NRG3: variants seen among roughly 807,000 people sequenced by gnomAD.
NRG3 encodes the protein pro-neuregulin-3, membrane-bound isoform.
A neutral mutation model predicts 66.9 loss-of-function variants in NRG3; 31 were observed. The observed-to-expected ratio is 0.46, with a 90% confidence interval of 0.35 to 0.63. The LOEUF is 0.63. Among genes scored for constraint, NRG3 ranks in the 20% least tolerant of loss-of-function variants. NRG3 has a pLI of 0.00. For synonymous variants in NRG3, 393 were observed against 359.4 expected (o/e 1.09, Z -1.06); for missense variants, 910 against 878.9 (o/e 1.04, Z -0.45).
intron 3 of NRG3, among the ~76,000 whole-genome samples, chr10:82,810,180 T>C (rs1489101380): frequency 6.6e-6 from 1 of 152,192 alleles, no homozygotes; most frequent in East Asian, 1.9e-4. Context: ...TATCAGCCCA[T>C]CCTAATTCTT....
At chr10:82,773,778 T>A (rs2059800279) in intron 3 of NRG3, among the ~76,000 whole-genome samples, 2 of 152,338 alleles carry the variant, frequency 1.3e-5, no homozygotes, top group South Asian at 4.1e-4. Flanking sequence ...CTCTGCCTTG[T>A]ACCAGATCTT....
chr10:82,321,524 G>A (rs2081578532), intron 1 of NRG3, among the ~76,000 whole-genome samples: 2 of 152,180 alleles, frequency 1.3e-5, no homozygotes, highest in Non-Finnish European at 1.5e-5. Flanking sequence ...GAAATGGGAT[G>A]TCCTGCATTT....
At chr10:82,082,910 T>C (rs1398971696) in intron 1 of NRG3, among the ~76,000 whole-genome samples, 1 of 152,186 alleles carries the variant, frequency 6.6e-6, no homozygotes, top group Non-Finnish European at 1.5e-5. Context: ...AGTCTGAACA[T>C]GACCACTTTA....
intron 3 of NRG3, among the ~76,000 whole-genome samples, chr10:82,841,367 G>A (rs189406058): frequency 6.6e-6 from 1 of 152,282 alleles, no homozygotes; most frequent in Non-Finnish European, 1.5e-5. Flanking sequence ...GTACCAAAAT[G>A]CGTATCAGCG....
Position 82,562,043 on chromosome 10 carries a change from C to T in NRG3, c.954-176534C>T, listed in dbSNP as rs372900021. On this transcript the variant is annotated intron_variant, in intron 2 of 8. Coordinates refer to ENST00000372141, the MANE Select transcript of NRG3 (RefSeq NM_001010848.4). ...GCATCTTGGAATTAGACAAACCTTC[C>T]TACATTTATTTGATTTATGACTTTA... 5.9e-5 allele frequency among the ~76,000 whole-genome samples: 9 copies of T among 152,244 alleles called. 1 individual carries two copies. The highest frequency in any genetic ancestry group is 2.2e-4 in the African/African-American group (9 of 41,562).
chr10:82,650,632 A>T (rs1212612488), intron 2 of NRG3, among the ~76,000 whole-genome samples: 1 of 152,240 alleles, frequency 6.6e-6, no homozygotes. Flanking sequence ...ATGCTGGGCC[A>T]TGCATCCACA....
intron 2 of NRG3, among the ~76,000 whole-genome samples, chr10:82,417,444 T>G (rs551066332): frequency 1.3e-5 from 2 of 152,312 alleles, no homozygotes; most frequent in South Asian, 4.1e-4. Context: ...GCAGCAGAGA[T>G]AAGCCTGTTT....
Position 81,974,586 on chromosome 10 carries a change from G to C in NRG3, c.823+98423G>C, listed in dbSNP as rs1042825318. Among the ~76,000 whole-genome samples, 8 of 152,254 alleles carry C rather than the reference G, an allele frequency of 5.3e-5. No homozygotes were observed. In the East Asian group the frequency reaches 1.2e-3, roughly 22 times the overall value. On this transcript the variant is annotated intron_variant, in intron 1 of 8. Transcript: ENST00000372141. ...CCAAGACATGGGGAAAGGTGATTGAGAGTAAGAAAATATGAAGCAATTGAT... is the reference window on the plus strand; with the variant it reads ...CCAAGACATGGGGAAAGGTGATTGACAGTAAGAAAATATGAAGCAATTGAT...
At chr10:82,286,619 G>A (rs945917839) in intron 1 of NRG3, among the ~76,000 whole-genome samples, 5 of 152,028 alleles carry the variant, frequency 3.3e-5, no homozygotes, top group East Asian at 1.9e-4. Flanking sequence ...ATGGAGTCTC[G>A]CTCTGTCACC....
chr10:82,230,724 C>T (rs2076413496), intron 1 of NRG3, among the ~76,000 whole-genome samples: 1 of 151,632 alleles, frequency 6.6e-6, no homozygotes, highest in South Asian at 2.1e-4. Context: ...GTTTACAGAA[C>T]AGAATGAAAA....
chr10:82,336,156 G>A (rs1277878358), intron 1 of NRG3, among the ~76,000 whole-genome samples: 1 of 152,098 alleles, frequency 6.6e-6, no homozygotes, highest in Non-Finnish European at 1.5e-5. Context: ...CTTTGTGAAG[G>A]GTTCGCCAGG....
chr10:82,847,998 AT>A (rs752177593), intron 3 of NRG3, among the ~76,000 whole-genome samples: 17 of 152,228 alleles, frequency 1.1e-4, no homozygotes, highest in Non-Finnish European at 1.9e-4. Context: ...AGAAAAAAGC[AT>A]GACAGTAAAA....
intron 1 of NRG3, among the ~76,000 whole-genome samples, chr10:82,239,754 T>C (rs190061787): frequency 6.6e-6 from 1 of 152,284 alleles, no homozygotes; most frequent in East Asian, 1.9e-4. Context: ...TCTATAGGTT[T>C]ACATCTTAAG....
chr10:82,106,438 A>G (rs17099410), intron 1 of NRG3, among the ~76,000 whole-genome samples: 2 of 152,046 alleles, frequency 1.3e-5, no homozygotes, highest in Admixed American at 6.6e-5. Context: ...CAGAATCTCA[A>G]TCACCTAAGG....
intron 1 of NRG3, among the ~76,000 whole-genome samples, chr10:81,952,475 A>T (rs1438884429): frequency 1.3e-5 from 2 of 151,982 alleles, no homozygotes; most frequent in African/African-American, 4.8e-5. Context: ...TTTTTACCCC[A>T]TGAGTAGAGT....
intron 1 of NRG3, among the ~76,000 whole-genome samples, chr10:81,894,132 G>A (rs953377033): frequency 3.3e-5 from 5 of 152,164 alleles, no homozygotes; most frequent in Non-Finnish European, 5.9e-5. Flanking sequence ...CTTGAGGTTA[G>A]GAGTTTAAGA....
chr10:82,023,353 TC>T (rs1355041249), intron 1 of NRG3, among the ~76,000 whole-genome samples: 2 of 152,076 alleles, frequency 1.3e-5, no homozygotes, highest in African/African-American at 4.8e-5. Flanking sequence ...TTTATTTCTT[TC>T]CCTTGCCCAA....
chr10:82,283,122 C>G (rs2079216091), intron 1 of NRG3, among the ~76,000 whole-genome samples: 1 of 151,864 alleles, frequency 6.6e-6, no homozygotes, highest in African/African-American at 2.4e-5. Flanking sequence ...GTCTCCCCAC[C>G]AAGACTTGGG....
chr10:81,957,396 C>T (rs1466492195), intron 1 of NRG3, among the ~76,000 whole-genome samples: 2 of 152,218 alleles, frequency 1.3e-5, no homozygotes, highest in East Asian at 1.9e-4. Flanking sequence ...ATCATTCTCT[C>T]CCTTGCATCA....
Sources: allele counts gnomAD v4.1 joint callset (sites outside exome capture counted in the v4.1 genomes callset), GRCh38; gene constraint gnomAD v4.1.1; transcripts MANE v1.5; gene names NCBI Gene and HGNC (gene_info 2026-07-23, HGNC 2026-07-21).